The following RNF150 variants were observed in gnomAD, a reference collection of about 807,000 sequenced individuals.
RNF150 encodes ring finger protein 150.
RNF150 carries 24 observed loss-of-function variants against 39.3 expected under a neutral mutation model. That is an observed-to-expected ratio of 0.61 (90% CI 0.44 to 0.86). The LOEUF (loss-of-function observed/expected upper bound fraction) is 0.86. RNF150 is among the 40% of genes least tolerant of loss of function. The pLI is 0.00. For missense variants in RNF150, 502 were observed against 587.8 expected (o/e 0.85, Z 1.51); for synonymous variants, 255 against 227.3 (o/e 1.12, Z -1.10).
At chr4:141,134,693 T>A (rs1198140426), upstream of RNF150, among the ~76,000 whole-genome samples, 1 of 152,220 alleles carries the variant, frequency 6.6e-6, no homozygotes, top group Non-Finnish European at 1.5e-5. Flanking sequence ...AATTTGTATG[T>A]GTTCCTAGCT....
chr4:140,921,175 TATAATAATAATAATA>T (rs58434636), intron 5 of RNF150, among the ~76,000 whole-genome samples: 2 of 148,092 alleles, frequency 1.4e-5, no homozygotes, highest in Non-Finnish European at 1.5e-5. Flanking sequence ...AAACTTAAAG[TATAATAATAATAATA>T]ATAATAATAA....
At chr4:140,978,039 C>G (rs995265311) in intron 1 of RNF150, among the ~76,000 whole-genome samples, 2 of 152,026 alleles carry the variant, frequency 1.3e-5, no homozygotes, top group Non-Finnish European at 2.9e-5. Flanking sequence ...AAAATAGTTC[C>G]CAAGAGATAA....
At chr4:140,962,983 T>C (rs1400713869) in intron 2 of RNF150, among the ~76,000 whole-genome samples, 1 of 151,966 alleles carries the variant, frequency 6.6e-6, no homozygotes, top group Non-Finnish European at 1.5e-5. Flanking sequence ...CTTCTGCATA[T>C]ATAGATACAC....
rs928087423 is a variant in RNF150 at position 141,185,442 on chromosome 4, G to T, written c.-6+27352C>A. Among the ~76,000 whole-genome samples the T allele has an allele frequency of 2.6e-5, 4 of 151,880 alleles. 1 individual carries two copies. Among genetic ancestry groups the T allele is most frequent in the Admixed American group, 2.0e-4 (3 of 15,260 alleles). ...AGGAGACTTAGGGCTGAGACAATGG[G>T]TTTTTCTAAATATACAATCACGTCA... On this transcript the variant is annotated intron_variant, in intron 1 of 7. Transcript: ENST00000420921.
At chr4:140,997,639 C>A (rs113176061) in intron 1 of RNF150, among the ~76,000 whole-genome samples, 2 of 131,756 alleles carry the variant, frequency 1.5e-5, no homozygotes, top group Non-Finnish European at 3.5e-5. Context: ...CGCTTGAACT[C>A]GGAAGGTGGA....
intron 1 of RNF150, among the ~76,000 whole-genome samples, chr4:140,999,985 A>AAGAAG (rs1734552461): frequency 2.6e-5 from 1 of 38,952 alleles, no homozygotes; most frequent in Non-Finnish European, 5.7e-5. Context: ...GAAAAGAAGA[A>AAGAAG]AAGAAGAAAA....
At chr4:140,886,015 C>A (rs1433689496) in intron 6 of RNF150, among the ~76,000 whole-genome samples, 9 of 151,694 alleles carry the variant, frequency 5.9e-5, no homozygotes, top group Non-Finnish European at 1.2e-4. Flanking sequence ...ATAGTGAAAC[C>A]CTGTCTCTAC....
chr4:140,944,288 C>T lies in RNF150; in HGVS notation c.890+3366G>A, dbSNP rs181274978. Among the ~76,000 whole-genome samples the T allele has an allele frequency of 1.5e-3, 228 of 152,208 alleles. 2 individuals carry two copies. Among genetic ancestry groups the T allele is most frequent in the African/African-American group, 5.1e-3 (212 of 41,540 alleles). On this transcript the variant is annotated intron_variant, in intron 4 of 6. Coordinates refer to ENST00000515673, the MANE Select transcript of RNF150 (RefSeq NM_020724.2). ...CATACGTATGAGGTAGCAAAACCAA[C>T]GTGTCTTGAGTAATGTCTCAGTGGT...
intron 2 of RNF150, among the ~76,000 whole-genome samples, chr4:140,952,169 C>A (rs554121325): frequency 6.6e-6 from 1 of 152,102 alleles, no homozygotes; most frequent in East Asian, 1.9e-4. Context: ...CGCCACCACG[C>A]CTGGCTGATT....
intron 6 of RNF150, among the ~76,000 whole-genome samples, chr4:140,892,269 C>T (rs943874737): frequency 6.6e-6 from 1 of 152,036 alleles, no homozygotes; most frequent in Admixed American, 6.5e-5. Flanking sequence ...TTGTTGAACC[C>T]CCTCATTTAC....
intron 1 of RNF150, among the ~76,000 whole-genome samples, chr4:140,994,478 C>T (rs558594000): frequency 2.6e-5 from 4 of 150,956 alleles, no homozygotes; most frequent in Admixed American, 2.0e-4. Flanking sequence ...CGCACACACA[C>T]ACAACACACA....
chr4:141,187,323 T>C (rs761057473), intron 1 of RNF150, among the ~76,000 whole-genome samples: 1 of 152,218 alleles, frequency 6.6e-6, no homozygotes, highest in Non-Finnish European at 1.5e-5. Flanking sequence ...AGAATGTATA[T>C]TCTGTTGATT....
chr4:141,120,838 G>T (rs1248111206), intron 1 of RNF150, among the ~76,000 whole-genome samples: 1 of 152,168 alleles, frequency 6.6e-6, no homozygotes, highest in East Asian at 1.9e-4. Context: ...ATCCCTGGAA[G>T]ATTTGAGCAG....
chr4:141,024,360 C>G (rs1735611970), intron 1 of RNF150, among the ~76,000 whole-genome samples: 1 of 152,114 alleles, frequency 6.6e-6, no homozygotes, highest in Admixed American at 6.5e-5. Context: ...GTGGGTCTCT[C>G]TCCACTGAGG....
At chr4:140,894,991 CTCTT>C (rs898287435) in intron 6 of RNF150, among the ~76,000 whole-genome samples, 2 of 152,184 alleles carry the variant, frequency 1.3e-5, no homozygotes, top group Non-Finnish European at 2.9e-5. Context: ...GGAGAGCAGA[CTCTT>C]TCTTGCCCCA....
intron 1 of RNF150, among the ~76,000 whole-genome samples, chr4:141,176,419 G>A (rs536057000): frequency 1.5e-4 from 23 of 152,260 alleles, no homozygotes; most frequent in African/African-American, 5.3e-4. Flanking sequence ...GATGAACTTT[G>A]AAATACTAAA....
intron 1 of RNF150, among the ~76,000 whole-genome samples, chr4:141,176,673 T>A (rs1255479631): frequency 6.6e-6 from 1 of 152,218 alleles, no homozygotes; most frequent in Non-Finnish European, 1.5e-5. Context: ...ATTTGATGCC[T>A]TGTGCTCTCA....
At chr4:140,921,424 G>T (rs569177929) in intron 5 of RNF150, among the ~76,000 whole-genome samples, 1 of 152,108 alleles carries the variant, frequency 6.6e-6, no homozygotes, top group Admixed American at 6.5e-5. Flanking sequence ...GCAGGAAGAA[G>T]TTGAATCTCT....
In RNF150 at chr4:140,871,410, C is replaced by T. The variant is rs138332962; in HGVS notation, c.1199-3031G>A. ...TTTGTATATTTAGTACAAGTATACA[C>T]GAATGGGAGAATTCCCACTTGGAGG... is the stretch of plus-strand genomic sequence containing the variant. On this transcript the variant is annotated intron_variant, in intron 6 of 6. Coordinates refer to ENST00000515673, the MANE Select transcript of RNF150 (RefSeq NM_020724.2). 2.8e-3 allele frequency among the ~76,000 whole-genome samples: 419 copies of T among 152,122 alleles called. 3 individuals are homozygous for T. Among genetic ancestry groups the T allele is most frequent in the African/African-American group, 9.4e-3 (388 of 41,492 alleles).
Sources: gnomAD v4.1 joint callset for allele counts (sites outside exome capture counted in the v4.1 genomes callset) on GRCh38, gnomAD v4.1.1 for gene constraint, MANE v1.5 for transcripts, NCBI Gene and HGNC (gene_info 2026-07-23, HGNC 2026-07-21) for gene names.